CCDC192: variants seen among roughly 807,000 people sequenced by gnomAD.
CCDC192 encodes the protein coiled-coil domain containing 192.
intron 5 of CCDC192, among the ~76,000 whole-genome samples, chr5:127,820,480 G>A (rs1749236317): frequency 6.6e-6 from 1 of 152,162 alleles, no homozygotes; most frequent in Admixed American, 6.5e-5. Context: ...ACTCAGGAAG[G>A]CTGAGGCAGG....
At chr5:127,855,736 G>C (rs764316857) in intron 5 of CCDC192, among the ~76,000 whole-genome samples, 3 of 152,168 alleles carry the variant, frequency 2.0e-5, no homozygotes. Flanking sequence ...TATGTGAGTA[G>C]GCATGAGAAC....
chr5:127,863,353 C>T (rs1027872942), intron 5 of CCDC192, among the ~76,000 whole-genome samples: 1 of 152,138 alleles, frequency 6.6e-6, no homozygotes, highest in Non-Finnish European at 1.5e-5. Context: ...ACACATAGTA[C>T]AACATAAATA....
chr5:127,777,588 G>A (rs1050505923), intron 3 of CCDC192, among the ~76,000 whole-genome samples: 1 of 152,130 alleles, frequency 6.6e-6, no homozygotes, highest in Non-Finnish European at 1.5e-5. Flanking sequence ...GGAAGATCCA[G>A]GGGTGGAATG....
chr5:127,789,223 A>G (rs187628336), intron 3 of CCDC192, among the ~76,000 whole-genome samples: 123 of 152,362 alleles, frequency 8.1e-4, no homozygotes, highest in Non-Finnish European at 2.1e-4. Flanking sequence ...TTTGAGCTTC[A>G]GGCTTTAAAA....
chr5:127,734,955 T>G (rs1438871164), intron 2 of CCDC192, among the ~76,000 whole-genome samples: 36 of 147,132 alleles, frequency 2.4e-4, no homozygotes, highest in East Asian at 8.0e-4. Flanking sequence ...GTCAATTTTG[T>G]CTTTTGTTGC....
intron 5 of CCDC192, among the ~76,000 whole-genome samples, chr5:127,869,512 C>G (rs976631007): frequency 6.6e-6 from 1 of 152,266 alleles, no homozygotes; most frequent in Middle Eastern, 3.4e-3. Context: ...TTGGACAACT[C>G]TACTATTAGA....
chr5:127,861,341 G>T (rs1261550483), intron 5 of CCDC192, among the ~76,000 whole-genome samples: 1 of 147,988 alleles, frequency 6.8e-6, no homozygotes, highest in African/African-American at 2.5e-5. Context: ...AAAATAAACT[G>T]TAATTTTAAG....
chr5:127,716,832 A>C (rs1197472722), intron 2 of CCDC192, among the ~76,000 whole-genome samples: 1 of 152,170 alleles, frequency 6.6e-6, no homozygotes, highest in Admixed American at 6.5e-5. Context: ...TCCCAGCTCC[A>C]TATCTCCCCT....
chr5:127,937,513 G>T (rs1040192077), intron 6 of CCDC192, among the ~76,000 whole-genome samples: 3 of 152,142 alleles, frequency 2.0e-5, no homozygotes, highest in African/African-American at 7.2e-5. Context: ...GCAGCATAAA[G>T]GTGGCCAGGA....
chr5:127,716,041 T>C (rs1751604737), intron 2 of CCDC192, among the ~76,000 whole-genome samples: 1 of 152,218 alleles, frequency 6.6e-6, no homozygotes, highest in African/African-American at 2.4e-5. Context: ...ATATGGTCTT[T>C]ATTGTGCTGA....
chr5:127,896,726 G>A (rs895633051), intron 6 of CCDC192, among the ~76,000 whole-genome samples: 15 of 152,278 alleles, frequency 9.9e-5, no homozygotes, highest in African/African-American at 2.9e-4. Flanking sequence ...GATTACAGGC[G>A]TGAGCCACTG....
At chr5:127,760,404 T>C (rs969197791) in intron 3 of CCDC192, among the ~76,000 whole-genome samples, 2 of 152,132 alleles carry the variant, frequency 1.3e-5, no homozygotes, top group East Asian at 1.9e-4. Flanking sequence ...ATGGAAACTC[T>C]TGCAAAGTTG....
rs183119349 is a variant in CCDC192 at position 127,905,117 on chromosome 5, A to G, written c.535+29456A>G. Among the ~76,000 whole-genome samples, 17 of 152,258 alleles carry G rather than the reference A, an allele frequency of 1.1e-4. No homozygotes were observed. The East Asian group carries it at 3.1e-3, about 28-fold the overall frequency. On this transcript the variant is annotated intron_variant, in intron 6 of 6. Transcript: ENST00000514853. Reference sequence around the variant, plus strand: ...GGAGTACAGAAGATTTTGCATGAGTAAAAAATAAATTTTTATGTCTTAAGC... The same window carrying G: ...GGAGTACAGAAGATTTTGCATGAGTGAAAAATAAATTTTTATGTCTTAAGC...
chr5:127,891,732 A>G (rs1020880505), intron 6 of CCDC192, among the ~76,000 whole-genome samples: 3 of 152,180 alleles, frequency 2.0e-5, no homozygotes, highest in African/African-American at 7.2e-5. Flanking sequence ...TAAGGTCAAC[A>G]TATTGAAAAG....
At chr5:127,897,297 A>G (rs1234307640) in intron 6 of CCDC192, among the ~76,000 whole-genome samples, 2 of 152,162 alleles carry the variant, frequency 1.3e-5, no homozygotes, top group Non-Finnish European at 1.5e-5. Flanking sequence ...AATCAACAAC[A>G]AAAAATCAGT....
intron 5 of CCDC192, among the ~76,000 whole-genome samples, chr5:127,833,245 C>CT (rs1447603133): frequency 6.6e-6 from 1 of 152,154 alleles, no homozygotes; most frequent in East Asian, 1.9e-4. Flanking sequence ...TACCTCTACT[C>CT]TATCATTTTT....
chr5:127,703,421 G>T lies in CCDC192; in HGVS notation c.-25G>T, dbSNP rs969738049. The T allele has an allele frequency of 1.5e-5, 6 of 398,858 alleles. No homozygotes were observed. The highest frequency in any genetic ancestry group is 1.2e-3 in the Middle Eastern group (2 of 1,610). 24.7% of individuals were successfully genotyped at this position (398,858 alleles called of 1,614,324 possible). ...CTGTTGACGTCTGTCCCAGGGACAG[G>T]GGATCCCAGTGGGTCTGGCTTGAGA... is the stretch of plus-strand genomic sequence containing the variant. On this transcript the variant is annotated 5_prime_UTR_variant, in exon 1 of 7. Coordinates refer to ENST00000514853, the MANE Select transcript of CCDC192 (RefSeq NM_001317938.2).
chr5:127,737,266 C>G (rs924616518), intron 2 of CCDC192, among the ~76,000 whole-genome samples: 5 of 151,920 alleles, frequency 3.3e-5, no homozygotes, highest in Non-Finnish European at 7.4e-5. Context: ...ATCCTGAGTT[C>G]TAGTTTGATT....
At chr5:127,833,434 TA>T (rs1247871542) in intron 5 of CCDC192, among the ~76,000 whole-genome samples, 2 of 152,180 alleles carry the variant, frequency 1.3e-5, no homozygotes, top group African/African-American at 2.4e-5. Flanking sequence ...GGTCTCTGTT[TA>T]TATTACATTA....
Sources: gnomAD v4.1 joint callset for allele counts (sites outside exome capture counted in the v4.1 genomes callset) on GRCh38, gnomAD v4.1.1 for gene constraint, MANE v1.5 for transcripts, NCBI Gene and HGNC (gene_info 2026-07-23, HGNC 2026-07-21) for gene names.